MAN1A2: variants seen among roughly 807,000 people sequenced by gnomAD.
MAN1A2 encodes mannosyl-oligosaccharide 1,2-alpha-mannosidase IB.
MAN1A2 carries 26 observed loss-of-function variants against 75.7 expected under a neutral mutation model. That is an observed-to-expected ratio of 0.34 (90% CI 0.25 to 0.48). The LOEUF is 0.48. Ranked by LOEUF, MAN1A2 falls within the 20% of genes least tolerant of loss-of-function variation. MAN1A2 has a pLI of 0.99. For synonymous variants in MAN1A2, 247 were observed against 264.6 expected (o/e 0.93, Z 0.65); for missense variants, 562 against 775.5 (o/e 0.72, Z 3.27).
chr1:117,428,788 T>C (rs77133933), intron 5 of MAN1A2, among the ~76,000 whole-genome samples: 8 of 109,372 alleles, frequency 7.3e-5, no homozygotes, highest in Non-Finnish European at 1.1e-4. Flanking sequence ...ACCTTTCTTT[T>C]TTTTTTTTTT....
chr1:117,437,039 A>G (rs1648871779), intron 5 of MAN1A2, among the ~76,000 whole-genome samples: 1 of 152,176 alleles, frequency 6.6e-6, no homozygotes, highest in Non-Finnish European at 1.5e-5. Flanking sequence ...TCAGTTTTGC[A>G]GTGACCTTCA....
At chr1:117,519,019 C>A (rs1045899910) in intron 12 of MAN1A2, among the ~76,000 whole-genome samples, 2 of 152,050 alleles carry the variant, frequency 1.3e-5, no homozygotes, top group African/African-American at 4.8e-5. Flanking sequence ...AACTGGAAAG[C>A]AACTCCAAAA....
intron 6 of MAN1A2, among the ~76,000 whole-genome samples, chr1:117,445,872 GTC>G (rs140746533): frequency 9.6e-5 from 11 of 114,116 alleles, no homozygotes; most frequent in South Asian, 2.7e-4. Flanking sequence ...GTGTGTGTGT[GTC>G]TGTGTGTGTG....
intron 4 of MAN1A2, among the ~76,000 whole-genome samples, chr1:117,419,197 C>T (rs1421232946): frequency 2.0e-5 from 3 of 151,936 alleles, no homozygotes; most frequent in Admixed American, 6.6e-5. Flanking sequence ...GTGAAGGCAT[C>T]GTAGGGGTTT....
intron 5 of MAN1A2, among the ~76,000 whole-genome samples, chr1:117,439,026 A>C (rs965852338): frequency 2.0e-5 from 3 of 152,234 alleles, no homozygotes; most frequent in African/African-American, 7.2e-5. Flanking sequence ...TTGTGTGAAG[A>C]CCTGAAGGAG....
At chr1:117,460,874 T>G (rs750097218) in intron 7 of MAN1A2, among the ~76,000 whole-genome samples, 2 of 152,198 alleles carry the variant, frequency 1.3e-5, no homozygotes, top group Non-Finnish European at 2.9e-5. Context: ...AGCATTGTGC[T>G]GCGGTACCTA....
chr1:117,394,658 A>C (rs1030215327), intron 1 of MAN1A2, among the ~76,000 whole-genome samples: 4 of 152,192 alleles, frequency 2.6e-5, no homozygotes, highest in African/African-American at 7.2e-5. Context: ...GGTACATTGA[A>C]GATGATAAAG....
rs555407949 is a variant in MAN1A2 at position 117,499,606 on chromosome 1, C to G, written c.1677+52C>G. The G allele has an allele frequency of 2.1e-6, 3 of 1,437,982 alleles. No individual in the cohort carries two copies. In the Admixed American group the frequency reaches 6.1e-5, roughly 29 times the overall value. The allele number at this position is 1,437,982 out of a possible 1,614,324, so 89.1% of individuals were successfully genotyped here. A position where few individuals can be genotyped will look rare whatever the true frequency, so the allele number is the denominator to read the frequency against. On this transcript the variant is annotated intron_variant, in intron 11 of 12. Coordinates refer to ENST00000356554, the MANE Select transcript of MAN1A2 (RefSeq NM_006699.5). ...CTGCAAGAGTGTTAACTCATGCCCT[C>G]CTATGATGCCACATACCCTCACCCA...
intron 1 of MAN1A2, among the ~76,000 whole-genome samples, chr1:117,373,077 A>T (rs1404457945): frequency 6.6e-6 from 1 of 152,134 alleles, no homozygotes; most frequent in African/African-American, 2.4e-5. Flanking sequence ...TGACTATTGC[A>T]CTTAAAATGT....
intron 3 of MAN1A2, among the ~76,000 whole-genome samples, chr1:117,413,654 A>AT (rs1310234327): frequency 1.3e-5 from 2 of 151,684 alleles, no homozygotes; most frequent in Non-Finnish European, 3.0e-5. Context: ...TGAACAATAA[A>AT]TTTTTTTTGC....
At position 117,525,640 on chromosome 1, in the gene MAN1A2, G is replaced by A. The variant is rs558990291; in HGVS notation, c.*2683G>A. The stretch of plus-strand genomic sequence containing the variant: ...GTGCAGAATAGATACATCAGTTGGT[G>A]CATAATCGAAAAAAATAGGAATTTT... On this transcript the variant is annotated 3_prime_UTR_variant, in exon 13 of 13. Transcript: ENST00000356554. 2.0e-5 allele frequency: 3 copies of A among 151,894 alleles called. No individual in the cohort carries two copies. The highest frequency in any genetic ancestry group is 4.4e-5 in the Non-Finnish European group (3 of 67,916). 9.4% of individuals were successfully genotyped at this position (151,894 alleles called of 1,614,324 possible).
At chr1:117,436,341 G>T (rs145254846) in intron 5 of MAN1A2, among the ~76,000 whole-genome samples, 1 of 152,320 alleles carries the variant, frequency 6.6e-6, no homozygotes, top group East Asian at 1.9e-4. Flanking sequence ...CCCCTGAAGA[G>T]AGTGGGCTAG....
Position 117,511,098 on chromosome 1 carries a change from C to T in MAN1A2, c.1793+8128C>T, listed in dbSNP as rs116443160. On this transcript the variant is annotated intron_variant, in intron 12 of 12. Coordinates refer to ENST00000356554, the MANE Select transcript of MAN1A2 (RefSeq NM_006699.5). ...ATCGTGGCAGAAGGGGAGGTGGGCACATCTTACGTGGTGGCAGGAAAGAGA... is the reference window on the plus strand; with the variant it reads ...ATCGTGGCAGAAGGGGAGGTGGGCATATCTTACGTGGTGGCAGGAAAGAGA... 3.8e-3 allele frequency among the ~76,000 whole-genome samples: 584 copies of T among 152,072 alleles called. 7 individuals carry two copies. The highest frequency in any genetic ancestry group is 0.013 in the African/African-American group (555 of 41,476).
chr1:117,424,399 T>C (rs1648299802), intron 5 of MAN1A2, among the ~76,000 whole-genome samples: 1 of 152,204 alleles, frequency 6.6e-6, no homozygotes, highest in South Asian at 2.1e-4. Flanking sequence ...TCAAAAGTAC[T>C]GTAATCCAAG....
intron 8 of MAN1A2, among the ~76,000 whole-genome samples, chr1:117,491,026 G>A (rs549472527): frequency 1.3e-5 from 2 of 152,138 alleles, no homozygotes; most frequent in Admixed American, 1.3e-4. Flanking sequence ...TTTAAAGAAG[G>A]AAGCTGCCTC....
rs1246061014 is a variant in MAN1A2, at chr1:117,419,058, T to A, written c.775-1511T>A. ...GACATAGGAGTCTCAAGTTTGACAA[T>A]TCTGGGTACAGCAAGTAGGCCCATA... On this transcript the variant is annotated intron_variant, in intron 4 of 12. Transcript: ENST00000356554. Among the ~76,000 whole-genome samples, 3 of 152,206 alleles carry A rather than the reference T, an allele frequency of 2.0e-5. No individual in the cohort carries two copies. In the East Asian group the frequency reaches 5.8e-4, roughly 29 times the overall value.
At chr1:117,443,920 A>T (rs549543865) in intron 6 of MAN1A2, among the ~76,000 whole-genome samples, 45 of 144,916 alleles carry the variant, frequency 3.1e-4, no homozygotes, top group African/African-American at 6.5e-4. Context: ...GTTTTTGAAA[A>T]TTTTTTTTTT....
intron 1 of MAN1A2, among the ~76,000 whole-genome samples, chr1:117,379,713 A>C (rs557752357): frequency 1.3e-5 from 2 of 152,266 alleles, no homozygotes; most frequent in Admixed American, 6.5e-5. Flanking sequence ...CATATTTCAC[A>C]TAAATAGTAT....
At chr1:117,473,918 TA>T (rs1265636335) in intron 8 of MAN1A2, among the ~76,000 whole-genome samples, 2 of 151,910 alleles carry the variant, frequency 1.3e-5, no homozygotes, top group African/African-American at 4.8e-5. Context: ...TTAAGACAAA[TA>T]ACAAATATCT....
Sources: gnomAD v4.1 joint callset for allele counts (sites outside exome capture counted in the v4.1 genomes callset) on GRCh38, gnomAD v4.1.1 for gene constraint, MANE v1.5 for transcripts, NCBI Gene and HGNC (gene_info 2026-07-23, HGNC 2026-07-21) for gene names.